The following ZNF83 variants were observed in gnomAD, a reference collection of about 807,000 sequenced individuals.
The protein encoded by ZNF83 is zinc finger protein 816B.
For missense variants in ZNF83, 552 were observed against 629.9 expected (o/e 0.88, Z 1.32); for synonymous variants, 209 against 213.0 (o/e 0.98, Z 0.17).
intron 1 of ZNF83, among the ~76,000 whole-genome samples, chr19:52,687,969 T>A (rs1023539415): frequency 2.0e-5 from 3 of 152,052 alleles, no homozygotes; most frequent in Non-Finnish European, 4.4e-5. Context: ...TCTGGCTGAA[T>A]AGGGATTCCA....
chr19:52,642,741 A>C (rs751076572), upstream of ZNF83, among the ~76,000 whole-genome samples: 2 of 152,188 alleles, frequency 1.3e-5, no homozygotes, highest in Non-Finnish European at 1.5e-5. Context: ...GAACTGGGTT[A>C]GTGGTGCATG....
chr19:52,672,959 A>T (rs1024006303), intron 1 of ZNF83, among the ~76,000 whole-genome samples: 3 of 151,278 alleles, frequency 2.0e-5, no homozygotes, highest in Admixed American at 2.0e-4. Context: ...ATTATTTCAT[A>T]ACACAACAGA....
intron 1 of ZNF83, among the ~76,000 whole-genome samples, chr19:52,679,157 C>T (rs943550772): frequency 4.6e-5 from 7 of 152,248 alleles, no homozygotes; most frequent in South Asian, 2.1e-4. Flanking sequence ...AAATGAACAA[C>T]AGTTCAGTCA....
chr19:52,675,920 A>C (rs1173109456), intron 1 of ZNF83, among the ~76,000 whole-genome samples: 2 of 152,212 alleles, frequency 1.3e-5, no homozygotes, highest in Admixed American at 1.3e-4. Flanking sequence ...GGCCAGGTGC[A>C]GTGGCTCATG....
intron 1 of ZNF83, chr19:52,635,440 C>T (rs1237007008): frequency 5.2e-6 from 1 of 191,910 alleles, no homozygotes; most frequent in African/African-American, 2.3e-5. Flanking sequence ...CATGCAGAAA[C>T]TGGGTGCAGT....
At chr19:52,635,191 A>C (rs423403) in intron 1 of ZNF83, 38 bp from the exon 2 acceptor site, 64,475 of 580,558 alleles carry the variant, frequency 0.11, 7,567 homozygotes, top group East Asian at 0.45. Flanking sequence ...GCTCAGAATC[A>C]ATACACCCCA....
At chr19:52,629,367 C>T (rs1321837747) in intron 2 of ZNF83, among the ~76,000 whole-genome samples, 1 of 152,118 alleles carries the variant, frequency 6.6e-6, no homozygotes, top group Non-Finnish European at 1.5e-5. Flanking sequence ...TGCCTGTTCC[C>T]TCAGTCCCAA....
chr19:52,642,968 C>A (rs1356724862), upstream of ZNF83, among the ~76,000 whole-genome samples: 8 of 151,948 alleles, frequency 5.3e-5, no homozygotes, highest in Admixed American at 5.2e-4. Context: ...ACCAGCCTGG[C>A]CAACATGGTG....
At chr19:52,667,489 C>A (rs922196935) in intron 1 of ZNF83, among the ~76,000 whole-genome samples, 3 of 152,042 alleles carry the variant, frequency 2.0e-5, no homozygotes, top group African/African-American at 7.2e-5. Flanking sequence ...AGTTTATGTG[C>A]AAGTTGTGTA....
rs992021525 is a variant in ZNF83, at chr19:52,653,344, T to G, written c.-74+2217A>C. On this transcript the variant is annotated intron_variant, in intron 3 of 5. Coordinates refer to the ZNF83 transcript ENST00000594682. Reference sequence around the variant, plus strand: ...TTTCTCTCCAGTATGAACTCTCTGATGTTGTGCAAGGTATGAATCACGCTG... The same window carrying G: ...TTTCTCTCCAGTATGAACTCTCTGAGGTTGTGCAAGGTATGAATCACGCTG... The G allele has an allele frequency of 4.0e-6, 5 of 1,235,348 alleles. No homozygotes were observed. In the Admixed American group the frequency reaches 5.3e-5, roughly 13 times the overall value. 76.5% of individuals were successfully genotyped at this position (1,235,348 alleles called of 1,614,324 possible).
chr19:52,644,512 T>C (rs2061348457), intron 3 of ZNF83, among the ~76,000 whole-genome samples: 1 of 152,096 alleles, frequency 6.6e-6, no homozygotes, highest in Non-Finnish European at 1.5e-5. Flanking sequence ...TTATTGAAAA[T>C]TAAAGAAGTG....
intron 1 of ZNF83, among the ~76,000 whole-genome samples, chr19:52,684,411 T>C (rs2147364753): frequency 6.6e-6 from 1 of 151,448 alleles, no homozygotes; most frequent in East Asian, 1.9e-4. Flanking sequence ...TAACCAGGTG[T>C]GGTGGCACAC....
chr19:52,634,170 G>A (rs2061066968), intron 2 of ZNF83, among the ~76,000 whole-genome samples: 1 of 152,030 alleles, frequency 6.6e-6, no homozygotes, highest in Non-Finnish European at 1.5e-5. Context: ...TACTCAGGAG[G>A]CTGAGGTAGG....
At position 52,659,547 on chromosome 19, in the gene ZNF83, C is replaced by T. The variant is rs563374342; in HGVS notation, c.-201+1215G>A. On this transcript the variant is annotated intron_variant, in intron 2 of 5. Transcript: ENST00000594682. Reference sequence around the variant, plus strand: ...CATATGTGGTTTAGGTCAGGGTTGACATGCAGATCCCACAGCTAATGCTCT... The same window carrying T: ...CATATGTGGTTTAGGTCAGGGTTGATATGCAGATCCCACAGCTAATGCTCT... Among the ~76,000 whole-genome samples the T allele has an allele frequency of 2.0e-5, 3 of 147,968 alleles. No individual in the cohort carries two copies. In the South Asian group the frequency reaches 6.4e-4, roughly 32 times the overall value.
chr19:52,653,728 C>T (rs567231968), intron 3 of ZNF83, among the ~76,000 whole-genome samples: 31 of 152,338 alleles, frequency 2.0e-4, no homozygotes, highest in African/African-American at 7.2e-4. Flanking sequence ...ACACTCATTA[C>T]ACTTGTAAGG....
chr19:52,626,402 C>G (rs529458035), intron 2 of ZNF83, among the ~76,000 whole-genome samples: 1 of 152,154 alleles, frequency 6.6e-6, no homozygotes, highest in Non-Finnish European at 1.5e-5. Context: ...ATTGTTTTTA[C>G]GTAAATCAGT....
chr19:52,685,248 C>T (rs1002643674), intron 1 of ZNF83, among the ~76,000 whole-genome samples: 4 of 152,102 alleles, frequency 2.6e-5, no homozygotes, highest in African/African-American at 4.8e-5. Flanking sequence ...GTTGCAGGGA[C>T]GCTCACTGGG....
At chr19:52,612,682 T>G (rs556973863) in exon 3 of ZNF83, 1 of 276,182 alleles carries the variant, frequency 3.6e-6, no homozygotes, top group South Asian at 9.1e-5. Flanking sequence ...GGTTTCCCAC[T>G]CTCAGTGTTT....
At chr19:52,652,851 G>A in intron 3 of ZNF83, 2 of 977,128 alleles carry the variant, frequency 2.0e-6, no homozygotes, top group African/African-American at 1.6e-5. Context: ...GGCATACAAA[G>A]GATGACATAT....
Sources: gnomAD v4.1 joint callset for allele counts (sites outside exome capture counted in the v4.1 genomes callset) on GRCh38, gnomAD v4.1.1 for gene constraint, MANE v1.5 for transcripts, NCBI Gene and HGNC (gene_info 2026-07-23, HGNC 2026-07-21) for gene names.